CRHR2: variants seen among roughly 807,000 people sequenced by gnomAD.
CRHR2 encodes the protein corticotropin-releasing hormone receptor 2.
A neutral mutation model predicts 57.9 loss-of-function variants in CRHR2; 53 were observed. That is an observed-to-expected ratio of 0.92 (90% CI 0.73 to 1.15). The LOEUF (loss-of-function observed/expected upper bound fraction) is 1.15, where lower values mean the gene tolerates loss of function less well. CRHR2 is among the 50% of genes most tolerant of loss of function. The pLI is 0.00. For synonymous variants in CRHR2, 213 were observed against 220.9 expected (o/e 0.96, Z 0.32); for missense variants, 532 against 542.6 (o/e 0.98, Z 0.19).
rs1384548275 is a variant in CRHR2 at position 30,688,680 on chromosome 7, A to G, written c.-167+511T>C. On this transcript the variant is annotated intron_variant, in intron 2 of 13. Transcript: ENST00000341843. ...GGATACAGGGTGGGACACTGGAGAC[A>G]TCTCTCTGGAACCCAGCAGAATCCA... 7.5e-6 allele frequency: 3 copies of G among 399,784 alleles called. No homozygotes were observed. In the East Asian group the frequency reaches 2.1e-4, roughly 29 times the overall value. 24.8% of individuals were successfully genotyped at this position (399,784 alleles called of 1,614,324 possible). A position where few individuals can be genotyped will look rare whatever the true frequency, so the allele number is the denominator to read the frequency against.
At position 30,682,165 on chromosome 7, in the gene CRHR2, G is replaced by A. The variant is rs1784737316; in HGVS notation, c.103+13C>T. On this transcript the variant is annotated intron_variant, in intron 1 of 11. Coordinates refer to ENST00000471646, the MANE Select transcript of CRHR2 (RefSeq NM_001883.5). ...GAGCCCGCGCAGCCTCCGACCGCTC[G>A]CCTCCCGCCTACCCTCGGGGTCCAG... The A allele has an allele frequency of 1.3e-6, 2 of 1,553,166 alleles. No homozygotes were observed. The highest frequency in any genetic ancestry group is 1.2e-5 in the South Asian group (1 of 83,978).
rs1020225564 is a variant in CRHR2 at position 30,656,959 on chromosome 7, A to G, written c.832-947T>C. Reference sequence around the variant, plus strand: ...CACCTGCCTCCGAGCATAGGCAGGCAGGCAGGCAAGGGAGTGTGTGTCGGC... The same window carrying G: ...CACCTGCCTCCGAGCATAGGCAGGCGGGCAGGCAAGGGAGTGTGTGTCGGC... On this transcript the variant is annotated intron_variant, in intron 8 of 11. Coordinates refer to ENST00000471646, the MANE Select transcript of CRHR2 (RefSeq NM_001883.5). The surrounding 1 kb of genome is among the most constrained non-coding windows in gnomAD (Gnocchi z 4.4). 6.6e-6 allele frequency among the ~76,000 whole-genome samples: 1 copy of G among 152,112 alleles called. No individual in the cohort carries two copies. The highest frequency in any genetic ancestry group is 2.4e-5 in the African/African-American group (1 of 41,418).
chr7:30,668,027 C>T (rs1390704291), intron 2 of CRHR2, among the ~76,000 whole-genome samples: 1 of 152,228 alleles, frequency 6.6e-6, no homozygotes, highest in Non-Finnish European at 1.5e-5. Flanking sequence ...GGGCCACCGC[C>T]CTCGGGCTGC....
intron 5 of CRHR2, among the ~76,000 whole-genome samples, chr7:30,664,120 G>A (rs1048240392): frequency 6.6e-6 from 1 of 152,166 alleles, no homozygotes; most frequent in African/African-American, 2.4e-5. Context: ...CCCTCAACTC[G>A]AGTGAACCTG....
chr7:30,686,655 G>A (rs1435663609), upstream of CRHR2: 1 of 751,902 alleles, frequency 1.3e-6, no homozygotes, highest in Middle Eastern at 2.5e-4. Context: ...AGTCCATTTG[G>A]ATTTTTATAT....
Position 30,653,423 on chromosome 7 carries a change from G to A in CRHR2, c.*37C>T. 6.2e-7 allele frequency: 1 copy of A among 1,605,006 alleles called. No individual in the cohort carries two copies. Among genetic ancestry groups the A allele is most frequent in the Non-Finnish European group, 8.5e-7 (1 of 1,175,634 alleles). On this transcript the variant is annotated 3_prime_UTR_variant, in exon 12 of 12. Transcript: ENST00000471646. This position sits in a 1 kb window ranked among gnomAD's most constrained non-coding sequence, Gnocchi z 5.0. ...GAGAACCCAGAGGAAGAAGGTGGAG[G>A]AGGACAGGGGAGCTGTGCAGGTGGG...
chr7:30,667,454 A>G (rs1044407206), intron 2 of CRHR2, 141 bp from the exon 3 acceptor site: 9 of 642,752 alleles, frequency 1.4e-5, no homozygotes, highest in Non-Finnish European at 1.9e-5. Context: ...GAAAGTTTAC[A>G]TGTAAGTCAC....
chr7:30,669,004 T>A (rs1784274766), intron 2 of CRHR2, among the ~76,000 whole-genome samples: 1 of 152,158 alleles, frequency 6.6e-6, no homozygotes, highest in African/African-American at 2.4e-5. Flanking sequence ...CTCGTGAGGG[T>A]CAGTGATAGT....
chr7:30,693,697 C>G (rs1230287965), intron 1 of CRHR2, among the ~76,000 whole-genome samples: 1 of 152,192 alleles, frequency 6.6e-6, no homozygotes, highest in African/African-American at 2.4e-5. Flanking sequence ...CGACTGGCAT[C>G]TGAATTGGGG....
At chr7:30,680,123 T>A (rs544069583) in intron 2 of CRHR2, among the ~76,000 whole-genome samples, 27 of 152,344 alleles carry the variant, frequency 1.8e-4, no homozygotes, top group Admixed American at 1.3e-3. Context: ...TGCAGCACCT[T>A]TGGGAAGTCT....
At position 30,662,817 on chromosome 7, in the gene CRHR2, T is replaced by C; in HGVS notation, c.574A>G (p.Asn192Asp). ...AAGAAGTTGGTCACCACGAAGTAGT[T>C]GAAGATGGTGGTGATGCAGCGGCAC... ...VWCRCITTIF[N>D]YFVVTNFFWM... Residue 192 changes from asparagine (N) to aspartate (D), a missense_variant, in exon 6 of 12, where the codon AAC becomes GAC. Transcript: ENST00000471646. 2 of 1,614,188 alleles carry C rather than the reference T, an allele frequency of 1.2e-6. No homozygotes were observed. Among genetic ancestry groups the C allele is most frequent in the South Asian group, 2.2e-5 (2 of 91,084 alleles).
At chr7:30,675,959 G>C (rs1047672570) in intron 2 of CRHR2, among the ~76,000 whole-genome samples, 2 of 152,320 alleles carry the variant, frequency 1.3e-5, no homozygotes, top group Middle Eastern at 3.4e-3. Context: ...AAGACGATCA[G>C]GTGGCTGGAG....
intron 2 of CRHR2, among the ~76,000 whole-genome samples, chr7:30,670,681 G>T (rs1298261360): frequency 6.6e-6 from 1 of 152,266 alleles, no homozygotes; most frequent in Non-Finnish European, 1.5e-5. Context: ...ACAGGAGGGA[G>T]TAAGACAGAA....
Position 30,681,990 on chromosome 7 carries a change from G to A in CRHR2, c.154C>T (p.Pro52Ser). 6.2e-7 allele frequency: 1 copy of A among 1,608,230 alleles called. No homozygotes were observed. The highest frequency in any genetic ancestry group is 8.5e-7 in the Non-Finnish European group (1 of 1,177,856). ...TTLDQIGTCWPRSAAGALVER... is the reference protein window; with the variant it reads ...TTLDQIGTCWSRSAAGALVER... ...ACGAGGGCTCCGGCAGCGCTGCGGG[G>A]CCAGCACGTTCCGATCTGGTCCAAG... The change falls in exon 2 of 12, where the codon CCC becomes TCC. Residue 52 changes from proline to serine, a missense_variant. By Grantham distance (74) the Pro-to-Ser change is moderately conservative. Transcript: ENST00000471646.
chr7:30,695,676 A>G (rs1050096020), intron 1 of CRHR2, among the ~76,000 whole-genome samples: 1 of 152,234 alleles, frequency 6.6e-6, no homozygotes, highest in African/African-American at 2.4e-5. Flanking sequence ...TCCAGTTTGC[A>G]TAAAAGTCAC....
upstream of CRHR2, chr7:30,682,676 T>C: frequency 4.0e-6 from 1 of 249,392 alleles, no homozygotes; most frequent in Non-Finnish European, 6.6e-6. Context: ...CTGGAGAGCG[T>C]GGGCCTGGGG....
chr7:30,660,642 G>A lies in CRHR2; in HGVS notation c.762C>T (p.Cys254=). ...IGKLYYENEQ[C]WFGKEPGDLV... is the part of the protein sequence containing the mutation. ...GGTCGCCAGGCTCCTTGCCAAACCA[G>A]CACCTGTGAAGATGGGGTGGCTGTA... is the stretch of plus-strand genomic sequence containing the variant. Residue 254 remains cysteine, a synonymous_variant, in exon 8 of 12, where the codon TGC becomes TGT. Coordinates refer to ENST00000471646, the MANE Select transcript of CRHR2 (RefSeq NM_001883.5). The A allele has an allele frequency of 6.4e-7, 1 of 1,566,766 alleles. No homozygotes were observed.
upstream of CRHR2, among the ~76,000 whole-genome samples, chr7:30,683,434 T>G (rs1391235039): frequency 6.6e-6 from 1 of 151,836 alleles, no homozygotes; most frequent in Non-Finnish European, 1.5e-5. Flanking sequence ...CACCCCACCC[T>G]GGCCCAGAAT....
At chr7:30,700,053 T>C (rs947749602) in exon 1 of CRHR2, 6 of 1,379,390 alleles carry the variant, frequency 4.3e-6, no homozygotes, top group Non-Finnish European at 5.6e-6. Context: ...GGCTGGGGGT[T>C]AGGGACTGGA....
Sources: allele counts gnomAD v4.1 joint callset (sites outside exome capture counted in the v4.1 genomes callset), GRCh38; gene constraint gnomAD v4.1.1; non-coding constraint Gnocchi (gnomAD v3.1); transcripts MANE v1.5; gene names NCBI Gene and HGNC (gene_info 2026-07-23, HGNC 2026-07-21).